The following FAT3 variants were observed in gnomAD, a reference collection of about 807,000 sequenced individuals.
The protein encoded by FAT3 is FAT atypical cadherin 3.
Under a neutral mutation model 310.2 loss-of-function variants are expected in FAT3, and 95 were observed. The ratio of observed to expected loss-of-function variants is 0.31; its 90% confidence interval spans 0.26 to 0.36. FAT3 has a LOEUF of 0.36. Among genes scored for constraint, FAT3 ranks in the 10% least tolerant of loss-of-function variants. The probability of loss-of-function intolerance (pLI) is 1.00; values close to 1 mark genes in which losing one functional copy is unlikely to be tolerated. For synonymous variants in FAT3, 2,314 were observed against 2,192.9 expected (o/e 1.06, Z -1.54); for missense variants, 5,408 against 5,715.6 (o/e 0.95, Z 1.74).
chr11:92,256,713 A>T (rs1373536771), intron 1 of FAT3, among the ~76,000 whole-genome samples: 1 of 152,168 alleles, frequency 6.6e-6, no homozygotes, highest in Non-Finnish European at 1.5e-5. Flanking sequence ...TGTGAAAAGC[A>T]TCATGCATAT....
intron 1 of FAT3, among the ~76,000 whole-genome samples, chr11:92,307,350 G>A (rs1469528461): frequency 6.6e-6 from 1 of 152,092 alleles, no homozygotes; most frequent in Non-Finnish European, 1.5e-5. Context: ...GTTTAATTTG[G>A]CTCACTACCT....
chr11:92,773,102 T>G (rs1360294235), intron 6 of FAT3, among the ~76,000 whole-genome samples: 2 of 152,202 alleles, frequency 1.3e-5, no homozygotes, highest in Non-Finnish European at 2.9e-5. Context: ...CACTCATGCT[T>G]AATTAAAATT....
intron 2 of FAT3, among the ~76,000 whole-genome samples, chr11:92,490,489 A>T (rs1181365212): frequency 6.6e-6 from 1 of 152,118 alleles, no homozygotes; most frequent in Non-Finnish European, 1.5e-5. Flanking sequence ...GACTATCAAA[A>T]AACATTGTGT....
chr11:92,869,245 T>C (rs1298017429), intron 22 of FAT3, among the ~76,000 whole-genome samples: 1 of 152,242 alleles, frequency 6.6e-6, no homozygotes, highest in Non-Finnish European at 1.5e-5. Context: ...TCTGTTCCGT[T>C]GAGGGAGCCC....
chr11:92,406,276 C>G lies in FAT3; in HGVS notation c.3292+50872C>G, dbSNP rs1265419915. 2.6e-5 allele frequency among the ~76,000 whole-genome samples: 4 copies of G among 152,178 alleles called. No homozygotes were observed. The East Asian group carries it at 5.8e-4, about 22-fold the overall frequency. ...TCTTTTACCATTTGAGCCATACTTTCTATCACATTGTCTTAACATTCCTAT... is the reference window on the plus strand; with the variant it reads ...TCTTTTACCATTTGAGCCATACTTTGTATCACATTGTCTTAACATTCCTAT... On this transcript the variant is annotated intron_variant, in intron 2 of 27. Transcript: ENST00000525166.
intron 3 of FAT3, among the ~76,000 whole-genome samples, chr11:92,544,536 C>A (rs1954555920): frequency 6.6e-6 from 1 of 152,106 alleles, no homozygotes; most frequent in South Asian, 2.1e-4. Context: ...TGTTGAACTA[C>A]CAGTTTGTTA....
chr11:92,379,155 C>T (rs1255465840), intron 2 of FAT3, among the ~76,000 whole-genome samples: 1 of 152,118 alleles, frequency 6.6e-6, no homozygotes, highest in African/African-American at 2.4e-5. Context: ...CTGTTTTCCT[C>T]CTTCAGCTTG....
At chr11:92,476,572 C>T (rs1022756535) in intron 2 of FAT3, among the ~76,000 whole-genome samples, 2 of 152,170 alleles carry the variant, frequency 1.3e-5, no homozygotes, top group South Asian at 2.1e-4. Context: ...CAAATGAATA[C>T]AGCCGTACTT....
At chr11:92,440,997 G>A (rs148391239) in intron 2 of FAT3, among the ~76,000 whole-genome samples, 133 of 152,246 alleles carry the variant, frequency 8.7e-4, no homozygotes, top group African/African-American at 3.0e-3. Flanking sequence ...ATTCCTGTGA[G>A]TTCAAAGATG....
chr11:92,798,114 C>G lies in FAT3; in HGVS notation c.5101C>G (p.Leu1701Val). The G allele has an allele frequency of 1.2e-6, 2 of 1,613,912 alleles. No homozygotes were observed. Among genetic ancestry groups the G allele is most frequent in the Non-Finnish European group, 1.7e-6 (2 of 1,179,870 alleles). The change falls in exon 10 of 28, where the codon CTC becomes GTC. Residue 1701 changes from leucine to valine, a missense_variant. Physicochemically the swap from Leu to Val is conservative, Grantham distance 32 (BLOSUM62 1). Transcript: ENST00000525166. The stretch of plus-strand genomic sequence containing the variant: ...AATCTCTGCCATCAGTCAATCTACC[C>G]TCATTTATGAAGTCAAAGATGGAGA... ...ILISAISQST[L>V]IYEVKDGDIN...
intron 4 of FAT3, among the ~76,000 whole-genome samples, chr11:92,754,700 C>CA (rs34387938): frequency 7.9e-3 from 714 of 90,464 alleles, no homozygotes; most frequent in East Asian, 0.036. Context: ...ACTAAAAATA[C>CA]AAAAAAAAAA....
At chr11:92,807,678 G>T (rs1315149000) in intron 12 of FAT3, among the ~76,000 whole-genome samples, 2 of 152,112 alleles carry the variant, frequency 1.3e-5, no homozygotes, top group African/African-American at 4.8e-5. Flanking sequence ...TATTAACACA[G>T]TTGTCTAGTT....
intron 2 of FAT3, among the ~76,000 whole-genome samples, chr11:92,450,626 T>C (rs566878134): frequency 6.6e-6 from 1 of 152,250 alleles, no homozygotes; most frequent in African/African-American, 2.4e-5. Flanking sequence ...GAATTAAACA[T>C]GGGAATTTGG....
chr11:92,306,861 G>A (rs940542992), intron 1 of FAT3, among the ~76,000 whole-genome samples: 7 of 146,540 alleles, frequency 4.8e-5, no homozygotes, highest in Non-Finnish European at 1.0e-4. Flanking sequence ...TGTGATCATA[G>A]CTCACTGCAT....
chr11:92,837,029 C>A (rs763018241), intron 16 of FAT3, among the ~76,000 whole-genome samples: 14 of 152,104 alleles, frequency 9.2e-5, no homozygotes, highest in Non-Finnish European at 1.8e-4. Context: ...TTATGAGCAA[C>A]TTTAGCCCTC....
chr11:92,485,082 A>G (rs183755983), intron 2 of FAT3, among the ~76,000 whole-genome samples: 6 of 152,268 alleles, frequency 3.9e-5, no homozygotes, highest in Admixed American at 6.5e-5. Context: ...AAGGAAAAAC[A>G]GGTCATTTTA....
rs571252085 is a variant in FAT3, at chr11:92,828,190, T to C, written c.9482-3432T>C. 3.3e-5 allele frequency among the ~76,000 whole-genome samples: 5 copies of C among 152,080 alleles called. No homozygotes were observed. In the South Asian group the frequency reaches 8.3e-4, roughly 25 times the overall value. On this transcript the variant is annotated intron_variant, in intron 13 of 27. Transcript: ENST00000525166. ...AAGGATGGCATTTATCAAATCCCTT[T>C]GGATAAAAAGTGTCCACTTTAGCAA...
intron 4 of FAT3, among the ~76,000 whole-genome samples, chr11:92,705,357 T>TTG (rs1944244320): frequency 1.0e-5 from 1 of 99,762 alleles, no homozygotes; most frequent in East Asian, 3.2e-4. Context: ...ATGATGGTAG[T>TTG]GTGATGGTGT....
chr11:92,615,155 C>A (rs1940740339), intron 3 of FAT3, among the ~76,000 whole-genome samples: 1 of 152,092 alleles, frequency 6.6e-6, no homozygotes, highest in African/African-American at 2.4e-5. Context: ...CAACTTTATT[C>A]TTTTTTAAGA....
Sources: gnomAD v4.1 joint callset for allele counts (sites outside exome capture counted in the v4.1 genomes callset) on GRCh38, gnomAD v4.1.1 for gene constraint, MANE v1.5 for transcripts, NCBI Gene and HGNC (gene_info 2026-07-23, HGNC 2026-07-21) for gene names.